Variants in CATSPERT observed in about 807,000 individuals in gnomAD.
CATSPERT encodes the protein catsper channel auxiliary subunit tau, also known as cation channel sperm-associated targeting subunit tau.
chr2:201,575,595 C>A, the CATSPERT span, among the ~76,000 whole-genome samples: 1 of 152,132 alleles, frequency 6.6e-6, no homozygotes, highest in African/African-American at 2.4e-5. Context: ...GAGCACAAAA[C>A]CTATTGTGAA....
the CATSPERT span, chr2:201,575,198 A>T: frequency 8.6e-7 from 1 of 1,164,728 alleles, no homozygotes; most frequent in South Asian, 1.9e-5. Context: ...GTAGGCTACA[A>T]ATAATATCAG....
chr2:201,552,550 T>C, the CATSPERT span, among the ~76,000 whole-genome samples: 3 of 152,164 alleles, frequency 2.0e-5, no homozygotes, highest in Non-Finnish European at 4.4e-5. Flanking sequence ...GCAAAAACTT[T>C]GCACTTTTTG....
the CATSPERT span, among the ~76,000 whole-genome samples, chr2:201,498,899 A>G: frequency 6.6e-6 from 1 of 152,166 alleles, no homozygotes; most frequent in Admixed American, 6.5e-5. Context: ...GGGCCTTGAC[A>G]GGGAAGCAGA....
the CATSPERT span, among the ~76,000 whole-genome samples, chr2:201,585,426 C>T: frequency 1.4e-5 from 2 of 144,282 alleles, no homozygotes; most frequent in Non-Finnish European, 3.0e-5. Context: ...AAAAAAAGAC[C>T]AGGCAAACAA....
the CATSPERT span, among the ~76,000 whole-genome samples, chr2:201,584,836 T>G: frequency 6.6e-6 from 1 of 151,978 alleles, no homozygotes; most frequent in African/African-American, 2.4e-5. Context: ...TTTTCATAAC[T>G]AATGAACATC....
the CATSPERT span, among the ~76,000 whole-genome samples, chr2:201,617,305 C>T: frequency 6.6e-6 from 1 of 152,174 alleles, no homozygotes; most frequent in Non-Finnish European, 1.5e-5. Flanking sequence ...TGACTTCGAA[C>T]TATACTACAA....
At chr2:201,556,513 G>GAAAAA in the CATSPERT span, among the ~76,000 whole-genome samples, 2 of 134,244 alleles carry the variant, frequency 1.5e-5, no homozygotes, top group Admixed American at 7.3e-5. Flanking sequence ...ACTTCAAAAA[G>GAAAAA]AAAAAAAAAA....
At chr2:201,498,685 A>T in the CATSPERT span, among the ~76,000 whole-genome samples, 1 of 152,152 alleles carries the variant, frequency 6.6e-6, no homozygotes, top group Non-Finnish European at 1.5e-5. Context: ...AGAAAATCAG[A>T]TCATGGGAAT....
the CATSPERT span, among the ~76,000 whole-genome samples, chr2:201,542,761 T>C: frequency 1.3e-5 from 2 of 152,194 alleles, no homozygotes; most frequent in Non-Finnish European, 2.9e-5. Flanking sequence ...ATTAGCCCTT[T>C]AACAAATATA....
chr2:201,551,459 C>G, the CATSPERT span, among the ~76,000 whole-genome samples: 1 of 152,164 alleles, frequency 6.6e-6, no homozygotes, highest in Non-Finnish European at 1.5e-5. Context: ...AGAGATTATA[C>G]ATGGTGCCAT....
chr2:201,531,755 G>A, the CATSPERT span, among the ~76,000 whole-genome samples: 2 of 152,164 alleles, frequency 1.3e-5, no homozygotes, highest in Non-Finnish European at 2.9e-5. Context: ...TTTGTTCAAG[G>A]AATAGTAAGA....
chr2:201,491,601 A>G, the CATSPERT span: 2 of 1,537,118 alleles, frequency 1.3e-6, no homozygotes, highest in Non-Finnish European at 1.7e-6. Context: ...TATTGAAATG[A>G]GTTAAAGTGC....
At chr2:201,500,503 G>A in the CATSPERT span, among the ~76,000 whole-genome samples, 3 of 152,090 alleles carry the variant, frequency 2.0e-5, no homozygotes, top group African/African-American at 7.2e-5. Context: ...GACAGAGTGA[G>A]ACTCTGTTTC....
the CATSPERT span, chr2:201,603,383 G>C: frequency 1.1e-6 from 1 of 877,396 alleles, no homozygotes; most frequent in Non-Finnish European, 1.7e-6. Context: ...CCACGTTGTT[G>C]GTTTTTCTCA....
At chr2:201,580,447 T>A in the CATSPERT span, among the ~76,000 whole-genome samples, 1 of 152,244 alleles carries the variant, frequency 6.6e-6, no homozygotes, top group East Asian at 1.9e-4. Context: ...AAACAATAAT[T>A]TGTAATTCTT....
At chr2:201,493,465 A>G in the CATSPERT span, 95 of 1,537,180 alleles carry the variant, frequency 6.2e-5, no homozygotes, top group African/African-American at 1.2e-3. Context: ...CCCCGTACCC[A>G]GCAAAGAACT....
At chr2:201,530,928 T>G in the CATSPERT span, among the ~76,000 whole-genome samples, 1 of 151,438 alleles carries the variant, frequency 6.6e-6, no homozygotes, top group Non-Finnish European at 1.5e-5. Flanking sequence ...CTCAAGACAC[T>G]GCAGTGTTTT....
chr2:201,546,862 T>G, the CATSPERT span, among the ~76,000 whole-genome samples: 1 of 152,112 alleles, frequency 6.6e-6, no homozygotes, highest in Non-Finnish European at 1.5e-5. Flanking sequence ...AGCTTTTAAG[T>G]AGAAACAAAC....
chr2:201,520,712 AC>A, the CATSPERT span, among the ~76,000 whole-genome samples: 2 of 152,010 alleles, frequency 1.3e-5, no homozygotes, highest in East Asian at 3.9e-4. Context: ...ACATGGTGAA[AC>A]CCCATCTCTA....
Sources: allele counts gnomAD v4.1 joint callset (sites outside exome capture counted in the v4.1 genomes callset), GRCh38; gene constraint gnomAD v4.1.1; transcripts MANE v1.5; gene names NCBI Gene and HGNC (gene_info 2026-07-23, HGNC 2026-07-21).